The following PPP6R3 variants were observed in gnomAD, a reference collection of about 807,000 sequenced individuals.
The protein encoded by PPP6R3 is protein phosphatase 6 regulatory subunit 3, also known as serine/threonine-protein phosphatase 6 regulatory subunit 3.
Under a neutral mutation model 110.7 loss-of-function variants are expected in PPP6R3, and 38 were observed. The ratio of observed to expected loss-of-function variants is 0.34; its 90% CI spans 0.26 to 0.45. The LOEUF is 0.45. Ranked by LOEUF, PPP6R3 falls within the 20% of genes least tolerant of loss-of-function variation. The pLI, the probability that PPP6R3 is intolerant of heterozygous loss-of-function variation, is 1.00. For synonymous variants in PPP6R3, 369 were observed against 373.5 expected (o/e 0.99, Z 0.14); for missense variants, 870 against 1,062.4 (o/e 0.82, Z 2.52).
At chr11:68,547,270 T>G (rs2099353025) in intron 4 of PPP6R3, among the ~76,000 whole-genome samples, 1 of 152,072 alleles carries the variant, frequency 6.6e-6, no homozygotes, top group Admixed American at 6.5e-5. Flanking sequence ...CCAGAGCTTT[T>G]GAGAAATTTC....
At chr11:68,504,764 C>G (rs1398176956) in intron 1 of PPP6R3, among the ~76,000 whole-genome samples, 1 of 152,182 alleles carries the variant, frequency 6.6e-6, no homozygotes, top group Non-Finnish European at 1.5e-5. Context: ...CCTTTGTGAG[C>G]TGTGTGTTCT....
intron 14 of PPP6R3, among the ~76,000 whole-genome samples, chr11:68,580,157 C>A (rs1421600264): frequency 6.6e-6 from 1 of 152,014 alleles, no homozygotes; most frequent in Non-Finnish European, 1.5e-5. Flanking sequence ...TGGGTTGTTC[C>A]TAGTGTGTGC....
rs554057626 is a variant in PPP6R3 at position 68,614,375 on chromosome 11, G to A, written c.*1258G>A. ...TATTGCCATATCGTCTGGTGAAAGGGTTAAATTACTTCACCTCTTGCACTT... is the reference window on the plus strand; with the variant it reads ...TATTGCCATATCGTCTGGTGAAAGGATTAAATTACTTCACCTCTTGCACTT... On this transcript the variant is annotated 3_prime_UTR_variant, in exon 24 of 24. Transcript: ENST00000393800. 61 of 1,240,540 alleles carry A rather than the reference G, an allele frequency of 4.9e-5. 1 individual carries two copies. In the South Asian group the frequency reaches 1.1e-3, roughly 23 times the overall value. 76.8% of individuals were successfully genotyped at this position (1,240,540 alleles called of 1,614,324 possible).
chr11:68,578,745 T>C (rs1326903629), intron 14 of PPP6R3, among the ~76,000 whole-genome samples: 1 of 152,208 alleles, frequency 6.6e-6, no homozygotes, highest in African/African-American at 2.4e-5. Flanking sequence ...AGTTAAATTC[T>C]CTCTGAGATA....
At chr11:68,464,478 G>T (rs1312221917) in intron 1 of PPP6R3, among the ~76,000 whole-genome samples, 1 of 152,130 alleles carries the variant, frequency 6.6e-6, no homozygotes, top group African/African-American at 2.4e-5. Context: ...AAATGCAGCT[G>T]AATTTTGGAA....
intron 5 of PPP6R3, among the ~76,000 whole-genome samples, 200 bp downstream of exon 5, chr11:68,548,404 T>G (rs2099357619): frequency 6.7e-6 from 1 of 148,424 alleles, no homozygotes; most frequent in Non-Finnish European, 1.5e-5. Context: ...GAATTTCAGA[T>G]GGGCACATCC....
intron 2 of PPP6R3, among the ~76,000 whole-genome samples, chr11:68,520,302 C>G (rs1024764771): frequency 6.6e-5 from 10 of 152,172 alleles, no homozygotes; most frequent in Admixed American, 5.9e-4. Flanking sequence ...AGCTCTAAGA[C>G]TTGAAATTTT....
chr11:68,580,062 T>TA (rs556666237), intron 14 of PPP6R3, among the ~76,000 whole-genome samples: 1 of 152,196 alleles, frequency 6.6e-6, no homozygotes, highest in Non-Finnish European at 1.5e-5. Context: ...GTGTACAGTT[T>TA]AAAATCTGGT....
chr11:68,525,953 G>A (rs994517830), intron 2 of PPP6R3, among the ~76,000 whole-genome samples: 2 of 152,142 alleles, frequency 1.3e-5, no homozygotes, highest in African/African-American at 4.8e-5. Context: ...CCTTCACCAC[G>A]TTAGTATAGA....
intron 1 of PPP6R3, among the ~76,000 whole-genome samples, chr11:68,500,147 C>T (rs896928758): frequency 1.3e-5 from 2 of 152,198 alleles, no homozygotes; most frequent in African/African-American, 4.8e-5. Context: ...CAAAGCCTCA[C>T]ATCTTAAAAA....
chr11:68,589,711 A>G (rs1473397843), intron 16 of PPP6R3, among the ~76,000 whole-genome samples: 1 of 152,200 alleles, frequency 6.6e-6, no homozygotes, highest in East Asian at 1.9e-4. Context: ...AATTTGTTGA[A>G]CCACAGCCAG....
At chr11:68,471,348 C>T (rs1591556831) in intron 1 of PPP6R3, among the ~76,000 whole-genome samples, 1 of 151,542 alleles carries the variant, frequency 6.6e-6, no homozygotes, top group South Asian at 2.1e-4. Context: ...TTAACAGTCC[C>T]GAGGTTGAGT....
intron 8 of PPP6R3, among the ~76,000 whole-genome samples, chr11:68,561,984 G>A (rs1417123126): frequency 6.6e-6 from 1 of 151,842 alleles, no homozygotes; most frequent in Admixed American, 6.6e-5. Context: ...AGGGGAGGGG[G>A]CGATGTGAGA....
chr11:68,570,195 T>A (rs2153779956), intron 11 of PPP6R3, among the ~76,000 whole-genome samples: 1 of 152,338 alleles, frequency 6.6e-6, no homozygotes, highest in East Asian at 1.9e-4. Flanking sequence ...ATCATAGAAA[T>A]TTAAATACTA....
At chr11:68,569,271 C>T (rs2099492804) in intron 10 of PPP6R3, among the ~76,000 whole-genome samples, 1 of 152,214 alleles carries the variant, frequency 6.6e-6, no homozygotes, top group Non-Finnish European at 1.5e-5. Context: ...CAATACTTCA[C>T]ATCCCCATTT....
At chr11:68,579,806 A>G (rs1354195373) in intron 14 of PPP6R3, among the ~76,000 whole-genome samples, 1 of 152,246 alleles carries the variant, frequency 6.6e-6, no homozygotes, top group African/African-American at 2.4e-5. Flanking sequence ...ACCATGCTCC[A>G]GTTGCCTCAG....
At chr11:68,477,771 T>TATATATATAA in intron 1 of PPP6R3, among the ~76,000 whole-genome samples, 1 of 138,810 alleles carries the variant, frequency 7.2e-6, no homozygotes, top group African/African-American at 2.7e-5. Context: ...TATATATATA[T>TATATATATAA]AATTTCCAAC....
chr11:68,514,181 T>C (rs539788329), intron 1 of PPP6R3, among the ~76,000 whole-genome samples: 1 of 152,200 alleles, frequency 6.6e-6, no homozygotes, highest in South Asian at 2.1e-4. Flanking sequence ...CCTCCTGCCT[T>C]AGCCTGTTGA....
intron 5 of PPP6R3, among the ~76,000 whole-genome samples, chr11:68,550,482 T>G (rs1216795586): frequency 6.6e-6 from 1 of 152,186 alleles, no homozygotes; most frequent in African/African-American, 2.4e-5. Flanking sequence ...GATTTTTCCT[T>G]TATTTTTTCT....
Sources: gnomAD v4.1 joint callset for allele counts (sites outside exome capture counted in the v4.1 genomes callset) on GRCh38, gnomAD v4.1.1 for gene constraint, MANE v1.5 for transcripts, NCBI Gene and HGNC (gene_info 2026-07-23, HGNC 2026-07-21) for gene names.